Variants in CPA6 observed in about 807,000 individuals in gnomAD.
CPA6 encodes carboxypeptidase A6.
A neutral mutation model predicts 63.3 loss-of-function variants in CPA6; 58 were observed. The observed-to-expected ratio is 0.92, with a 90% CI of 0.74 to 1.14. CPA6 has a LOEUF of 1.14. CPA6 is among the 50% of genes most tolerant of loss of function. The pLI is 0.00. For synonymous variants in CPA6, 185 were observed against 179.0 expected (o/e 1.03, Z -0.27); for missense variants, 565 against 526.6 (o/e 1.07, Z -0.71).
intron 1 of CPA6, among the ~76,000 whole-genome samples, chr8:67,649,813 A>G (rs1209476573): frequency 6.6e-6 from 1 of 151,938 alleles, no homozygotes; most frequent in African/African-American, 2.4e-5. Flanking sequence ...CAGTCTGACC[A>G]AAAAAAATGC....
At chr8:67,620,243 G>A (rs1815048981) in intron 2 of CPA6, among the ~76,000 whole-genome samples, 1 of 152,186 alleles carries the variant, frequency 6.6e-6, no homozygotes, top group African/African-American at 2.4e-5. Context: ...AACAGCTAGA[G>A]GAAACTTTTT....
chr8:67,489,532 G>C (rs540637054), intron 6 of CPA6, among the ~76,000 whole-genome samples: 3 of 151,724 alleles, frequency 2.0e-5, no homozygotes, highest in South Asian at 2.1e-4. Flanking sequence ...AATGATTTCT[G>C]ACACTGTATT....
rs1411120025 is a variant in CPA6, at chr8:67,483,869, T to C, written c.748-11A>G. 1 of 1,606,800 alleles carries C rather than the reference T, an allele frequency of 6.2e-7. No homozygotes were observed. ...TCTCCAAAATCGATCCTAGACATAA[T>C]TAAGAAAACAGGTGCTGAGAAAAAT... On this transcript the variant is annotated splice_polypyrimidine_tract_variant and intron_variant, in intron 7 of 10. Coordinates refer to ENST00000297770, the MANE Select transcript of CPA6 (RefSeq NM_020361.5).
At chr8:67,530,987 A>G (rs1160536561) in intron 2 of CPA6, among the ~76,000 whole-genome samples, 1 of 152,244 alleles carries the variant, frequency 6.6e-6, no homozygotes, top group African/African-American at 2.4e-5. Flanking sequence ...CATTCAAGCC[A>G]CTATACGTGA....
At chr8:67,570,724 C>A (rs1813466732) in intron 2 of CPA6, among the ~76,000 whole-genome samples, 1 of 152,108 alleles carries the variant, frequency 6.6e-6, no homozygotes, top group Admixed American at 6.6e-5. Flanking sequence ...AGATTCAGAA[C>A]ATACCACTAC....
chr8:67,733,246 A>C, intron 1 of CPA6, among the ~76,000 whole-genome samples: 1 of 140,574 alleles, frequency 7.1e-6, no homozygotes, highest in Admixed American at 7.4e-5. Context: ...AGCGTCTATC[A>C]CCTGGAGGGC....
At chr8:67,473,996 G>A (rs1811120233) in intron 8 of CPA6, among the ~76,000 whole-genome samples, 1 of 152,040 alleles carries the variant, frequency 6.6e-6, no homozygotes, top group African/African-American at 2.4e-5. Flanking sequence ...CTTCCAAGAC[G>A]AGGAAGGAGC....
intron 2 of CPA6, among the ~76,000 whole-genome samples, chr8:67,519,812 T>C (rs1466332679): frequency 6.6e-6 from 1 of 152,234 alleles, no homozygotes; most frequent in Non-Finnish European, 1.5e-5. Context: ...ATCTTTTAGG[T>C]CTCCAAATAG....
chr8:67,607,374 G>A (rs1814693740), intron 2 of CPA6, among the ~76,000 whole-genome samples: 2 of 151,808 alleles, frequency 1.3e-5, no homozygotes, highest in Admixed American at 6.6e-5. Context: ...AGTAGGCGGG[G>A]TGGAAAGGTA....
Position 67,673,390 on chromosome 8 carries a change from T to TATTA in CPA6, c.117-49140_117-49139insTAAT, listed in dbSNP as rs1248669612. ...ATTATTATTATTATTATTTATTTAT[T>TATTA]TTTTTTTTTTTGAGACTGAATCTCG... is the stretch of plus-strand genomic sequence containing the variant. On this transcript the variant is annotated intron_variant, in intron 1 of 10. Transcript: ENST00000297770. Among the ~76,000 whole-genome samples, 518 of 99,518 alleles carry TATTA rather than the reference T, an allele frequency of 5.2e-3. 3 individuals carry two copies. Among genetic ancestry groups the TATTA allele is most frequent in the African/African-American group, 0.031 (492 of 15,810 alleles). The allele number at this position is 99,518 out of a possible 152,430, so 65.3% of individuals were successfully genotyped here.
chr8:67,586,560 C>T (rs1023858082), intron 2 of CPA6, among the ~76,000 whole-genome samples: 6 of 152,076 alleles, frequency 3.9e-5, no homozygotes, highest in African/African-American at 1.2e-4. Context: ...GTTTGATTAC[C>T]TCAGCGGGTA....
Position 67,662,118 on chromosome 8 carries a change from A to C in CPA6, c.117-37867T>G, listed in dbSNP as rs115956891. ...CTGGGGGAGGCAGGTAGTTGAAAAC[A>C]GGGGAAAGAAGGAAGGCATTCAGGA... On this transcript the variant is annotated intron_variant, in intron 1 of 10. Transcript: ENST00000297770. Among the ~76,000 whole-genome samples the C allele has an allele frequency of 4.7e-3, 713 of 152,286 alleles. 3 individuals are homozygous for C. The highest frequency in any genetic ancestry group is 0.016 in the African/African-American group (662 of 41,552).
intron 2 of CPA6, among the ~76,000 whole-genome samples, chr8:67,526,249 T>C (rs1447576685): frequency 6.6e-6 from 1 of 152,168 alleles, no homozygotes; most frequent in Non-Finnish European, 1.5e-5. Context: ...AATAATTTTA[T>C]CTAGAAGGTG....
At chr8:67,682,561 T>C (rs1388130302) in intron 1 of CPA6, among the ~76,000 whole-genome samples, 1 of 152,244 alleles carries the variant, frequency 6.6e-6, no homozygotes, top group Admixed American at 6.5e-5. Flanking sequence ...CCTGCGCTTT[T>C]GCATTCCTGC....
chr8:67,655,838 CAA>C (rs1815970500), intron 1 of CPA6, among the ~76,000 whole-genome samples: 1 of 152,102 alleles, frequency 6.6e-6, no homozygotes, highest in Non-Finnish European at 1.5e-5. Context: ...ACTGAGGAGG[CAA>C]AAGACAGAAG....
At chr8:67,480,550 T>G (rs1334829983) in intron 8 of CPA6, among the ~76,000 whole-genome samples, 1 of 152,198 alleles carries the variant, frequency 6.6e-6, no homozygotes, top group Non-Finnish European at 1.5e-5. Context: ...ATATACCACA[T>G]TCTGTTTATC....
chr8:67,544,691 A>G (rs1341686857), intron 2 of CPA6, among the ~76,000 whole-genome samples: 1 of 152,154 alleles, frequency 6.6e-6, no homozygotes, highest in Admixed American at 6.5e-5. Flanking sequence ...CAAGGCACCA[A>G]ATCTGTTTCT....
chr8:67,586,439 A>C (rs1813938464), intron 2 of CPA6, among the ~76,000 whole-genome samples: 1 of 152,200 alleles, frequency 6.6e-6, no homozygotes, highest in East Asian at 1.9e-4. Context: ...TATTATTACT[A>C]CTATGTTTAG....
chr8:67,505,516 T>C lies in CPA6; in HGVS notation c.636+1271A>G, dbSNP rs1343802713. On this transcript the variant is annotated intron_variant, in intron 6 of 10. Coordinates refer to ENST00000297770, the MANE Select transcript of CPA6 (RefSeq NM_020361.5). ...CAGATGTTCTGTACTTAACTATTTC[T>C]TTTTTTTTAACCTGAAATAGCAGAC... Among the ~76,000 whole-genome samples, 11 of 151,606 alleles carry C rather than the reference T, an allele frequency of 7.3e-5. No homozygotes were observed. The East Asian group carries it at 2.1e-3, about 29-fold the overall frequency.
Sources: gnomAD v4.1 joint callset for allele counts (sites outside exome capture counted in the v4.1 genomes callset) on GRCh38, gnomAD v4.1.1 for gene constraint, MANE v1.5 for transcripts, NCBI Gene and HGNC (gene_info 2026-07-23, HGNC 2026-07-21) for gene names.